Variants in CALN1 observed in about 807,000 individuals in gnomAD.
CALN1 encodes calcium-binding protein 8.
A neutral mutation model predicts 30.6 loss-of-function variants in CALN1; 17 were observed. The observed-to-expected ratio is 0.56, with a 90% CI of 0.38 to 0.83. The LOEUF is 0.83. Ranked by LOEUF, CALN1 falls within the 40% of genes least tolerant of loss-of-function variation. The pLI, the probability that CALN1 is intolerant of heterozygous loss-of-function variation, is 0.00. For missense variants in CALN1, 291 were observed against 354.9 expected (o/e 0.82, Z 1.45); for synonymous variants, 156 against 131.4 (o/e 1.19, Z -1.28).
chr7:71,926,021 G>A (rs1409665084), intron 5 of CALN1, among the ~76,000 whole-genome samples: 1 of 152,076 alleles, frequency 6.6e-6, no homozygotes, highest in African/African-American at 2.4e-5. Flanking sequence ...GCCTGGCTAA[G>A]GTGGTGTAGT....
chr7:72,422,720 C>G (rs2129563706), intron 1 of CALN1, among the ~76,000 whole-genome samples: 1 of 152,348 alleles, frequency 6.6e-6, no homozygotes, highest in African/African-American at 2.4e-5. Flanking sequence ...TTGTTTCTCT[C>G]TCTTTGTCAA....
chr7:72,020,728 G>A (rs1465985515), intron 5 of CALN1, among the ~76,000 whole-genome samples: 2 of 152,162 alleles, frequency 1.3e-5, no homozygotes, highest in Non-Finnish European at 2.9e-5. Flanking sequence ...CAAAAACATG[G>A]AGACTTTGTG....
At chr7:72,186,046 G>A (rs140155816) in intron 3 of CALN1, among the ~76,000 whole-genome samples, 26 of 152,224 alleles carry the variant, frequency 1.7e-4, no homozygotes, top group African/African-American at 5.3e-4. Flanking sequence ...GAGGAAGGCC[G>A]GAGGGTGAGA....
At chr7:72,004,526 C>A (rs577816344) in intron 5 of CALN1, among the ~76,000 whole-genome samples, 1 of 152,206 alleles carries the variant, frequency 6.6e-6, no homozygotes, top group East Asian at 1.9e-4. Context: ...TGGGAAAAAT[C>A]GAAAAGCTAG....
intron 3 of CALN1, among the ~76,000 whole-genome samples, chr7:72,129,228 G>A (rs1317544232): frequency 6.6e-6 from 1 of 152,206 alleles, no homozygotes; most frequent in Non-Finnish European, 1.5e-5. Flanking sequence ...ATAACACACA[G>A]TGTGGATAAG....
At chr7:72,289,363 T>C (rs1798317553) in intron 2 of CALN1, among the ~76,000 whole-genome samples, 1 of 152,208 alleles carries the variant, frequency 6.6e-6, no homozygotes, top group Non-Finnish European at 1.5e-5. Flanking sequence ...CAATAACTAT[T>C]TTCCAGACTT....
rs116489941 is a variant in CALN1, at chr7:72,264,356, A to G, written c.244+14330T>C. Among the ~76,000 whole-genome samples the G allele has an allele frequency of 7.1e-3, 1,076 of 152,322 alleles. 16 individuals are homozygous for G. The highest frequency in any genetic ancestry group is 0.024 in the African/African-American group (1,018 of 41,570). On this transcript the variant is annotated intron_variant, in intron 3 of 6. Coordinates refer to ENST00000395275, the MANE Select transcript of CALN1 (RefSeq NM_031468.4). ...AGAATGAGGTGTTGCCCAACTCCAG[A>G]ACTGCATATAAAAGCCAGTTAAGAT...
At chr7:72,368,807 CCCTT>C (rs1397623459) in intron 2 of CALN1, among the ~76,000 whole-genome samples, 8 of 143,364 alleles carry the variant, frequency 5.6e-5, no homozygotes, top group Non-Finnish European at 1.1e-4. Context: ...TGGTTTGAAA[CCCTT>C]TTTTTTTTTT....
At chr7:71,986,878 A>G (rs1174831710) in intron 5 of CALN1, among the ~76,000 whole-genome samples, 2 of 152,204 alleles carry the variant, frequency 1.3e-5, no homozygotes, top group Non-Finnish European at 2.9e-5. Context: ...CTGTAATCCC[A>G]GCACTTTGGG....
intron 2 of CALN1, among the ~76,000 whole-genome samples, chr7:72,401,943 C>T (rs774608521): frequency 3.9e-5 from 6 of 152,156 alleles, no homozygotes; most frequent in Non-Finnish European, 7.4e-5. Flanking sequence ...AACATCCTTT[C>T]ATTTATCCTA....
At chr7:72,301,199 C>CCAG (rs1799235853) in intron 2 of CALN1, among the ~76,000 whole-genome samples, 1 of 151,976 alleles carries the variant, frequency 6.6e-6, no homozygotes, top group South Asian at 2.1e-4. Flanking sequence ...GAGTATAGTC[C>CCAG]CAGTCAGCAG....
At chr7:71,893,577 G>A (rs1209343747) in intron 5 of CALN1, among the ~76,000 whole-genome samples, 1 of 152,006 alleles carries the variant, frequency 6.6e-6, no homozygotes, top group African/African-American at 2.4e-5. Flanking sequence ...TGTAATCGCA[G>A]CTACTTGGGA....
At chr7:71,840,447 G>T (rs1789868184) in intron 5 of CALN1, among the ~76,000 whole-genome samples, 1 of 140,994 alleles carries the variant, frequency 7.1e-6, no homozygotes, top group African/African-American at 2.7e-5. Context: ...ATTGCACCAT[G>T]GCACTCCAGC....
At chr7:71,856,017 T>C (rs190067170) in intron 5 of CALN1, among the ~76,000 whole-genome samples, 1 of 152,006 alleles carries the variant, frequency 6.6e-6, no homozygotes, top group Non-Finnish European at 1.5e-5. Flanking sequence ...AGGGTCTCTA[T>C]GTATGTATGT....
chr7:72,038,148 G>T (rs976408411), intron 4 of CALN1, among the ~76,000 whole-genome samples: 4 of 151,674 alleles, frequency 2.6e-5, no homozygotes, highest in Non-Finnish European at 1.5e-5. Flanking sequence ...TGGAGAACAG[G>T]ATGTTTTTAT....
At chr7:72,502,110 C>T in the CALN1 span, among the ~76,000 whole-genome samples, 1 of 148,954 alleles carries the variant, frequency 6.7e-6, no homozygotes, top group East Asian at 1.9e-4. Flanking sequence ...ATTTGAGTTA[C>T]ATGTTCATAA....
rs1793052052 is a variant in CALN1 at position 71,888,491 on chromosome 7, AAAAC to A, written c.502-78003_502-78000del. Among the ~76,000 whole-genome samples, 5 of 152,152 alleles carry A rather than the reference AAAAC, an allele frequency of 3.3e-5. No homozygotes were observed. In the South Asian group the frequency reaches 1.0e-3, roughly 32 times the overall value. On this transcript the variant is annotated intron_variant, in intron 5 of 6. Coordinates refer to ENST00000395275, the MANE Select transcript of CALN1 (RefSeq NM_031468.4). Reference sequence around the variant, plus strand: ...AAAAAAAAAAAAGCAAAAAAACAAAAAAACAAAACAAAACAAAAAAGCAATGAAT... The same window carrying A: ...AAAAAAAAAAAAGCAAAAAAACAAAAAAAACAAAACAAAAAAGCAATGAAT...
At chr7:72,313,948 G>A (rs1303296764) in intron 2 of CALN1, among the ~76,000 whole-genome samples, 1 of 152,142 alleles carries the variant, frequency 6.6e-6, no homozygotes, top group African/African-American at 2.4e-5. Flanking sequence ...TGCCTATTGT[G>A]GGTCTACACC....
At chr7:72,012,622 AG>A (rs1273187155) in intron 5 of CALN1, among the ~76,000 whole-genome samples, 1 of 152,224 alleles carries the variant, frequency 6.6e-6, no homozygotes, top group Non-Finnish European at 1.5e-5. Context: ...ACTGGACATA[AG>A]GCTGGTATGT....
Sources: gnomAD v4.1 joint callset for allele counts (sites outside exome capture counted in the v4.1 genomes callset) on GRCh38, gnomAD v4.1.1 for gene constraint, MANE v1.5 for transcripts, NCBI Gene and HGNC (gene_info 2026-07-23, HGNC 2026-07-21) for gene names.